UBE2F: variants seen among roughly 807,000 people sequenced by gnomAD.
The protein encoded by UBE2F is ubiquitin conjugating enzyme E2 F (putative).
A neutral mutation model predicts 29.6 loss-of-function variants in UBE2F; 5 were observed. The observed-to-expected ratio is 0.17, with a 90% CI of 0.09 to 0.36. The LOEUF (loss-of-function observed/expected upper bound fraction) is 0.36. UBE2F is among the 10% of genes least tolerant of loss of function. UBE2F has a pLI of 1.00. For missense variants in UBE2F, 141 were observed against 228.5 expected (o/e 0.62, Z 2.47); for synonymous variants, 66 against 81.8 (o/e 0.81, Z 1.04).
chr2:238,002,305 C>G (rs537612859), intron 4 of UBE2F, among the ~76,000 whole-genome samples: 2 of 152,152 alleles, frequency 1.3e-5, no homozygotes, highest in Non-Finnish European at 2.9e-5. Context: ...TTTTAGGGTA[C>G]ATGTGCACAT....
chr2:238,010,197 A>G (rs1338723763), intron 4 of UBE2F, among the ~76,000 whole-genome samples: 2 of 151,696 alleles, frequency 1.3e-5, no homozygotes, highest in Non-Finnish European at 2.9e-5. Flanking sequence ...TTTTCGATAC[A>G]GAGTCTTGCT....
chr2:237,974,501 GTTTTTTTTTTTTTGTTTTT>G (rs1209859740), intron 2 of UBE2F, among the ~76,000 whole-genome samples: 1 of 108,582 alleles, frequency 9.2e-6, no homozygotes, highest in Non-Finnish European at 1.7e-5. Flanking sequence ...AATTTTTGTG[GTTTTTTTTTTTTTGTTTTT>G]TTTTTTTTTT....
chr2:237,973,788 G>A (rs1559198463), intron 2 of UBE2F: 3 of 932,650 alleles, frequency 3.2e-6, no homozygotes, highest in East Asian at 6.8e-5. Flanking sequence ...TTGGTAAAAT[G>A]TATGAGAGTA....
rs2064597574 is a variant in UBE2F, at chr2:238,032,203, GTTTTC to G, written c.412-14_412-10del. 1 of 1,610,944 alleles carries G rather than the reference GTTTTC, an allele frequency of 6.2e-7. No homozygotes were observed. Among genetic ancestry groups the G allele is most frequent in the Non-Finnish European group, 8.5e-7 (1 of 1,177,478 alleles). On this transcript the variant is annotated splice_polypyrimidine_tract_variant and intron_variant, in intron 7 of 9. Coordinates refer to ENST00000272930, the MANE Select transcript of UBE2F (RefSeq NM_080678.3). ...CACTTTGGCTTAAAACTTGTTTTCT[GTTTTC>G]TTTTTTATTTCAGGATGTCGTTTGG...
At chr2:238,019,654 CTTTT>C (rs375103007) in intron 5 of UBE2F, among the ~76,000 whole-genome samples, 1 of 78,008 alleles carries the variant, frequency 1.3e-5, no homozygotes. Flanking sequence ...TGTGCTCAGC[CTTTT>C]TTTTTTTTTT....
Position 237,973,270 on chromosome 2 carries a change from G to C in UBE2F, c.118+45G>C, listed in dbSNP as rs75698418. The C allele has an allele frequency of 4.0e-4, 634 of 1,588,802 alleles. 1 individual carries two copies. In the African/African-American group the frequency reaches 7.6e-3, roughly 19 times the overall value. On this transcript the variant is annotated intron_variant, in intron 2 of 9. Coordinates refer to ENST00000272930, the MANE Select transcript of UBE2F (RefSeq NM_080678.3). ...ACTGTTTTTATATCCTATAACAAAAGGAAGTTTGACTGGAGAGTCTTTGGG... is the reference window on the plus strand; with the variant it reads ...ACTGTTTTTATATCCTATAACAAAACGAAGTTTGACTGGAGAGTCTTTGGG...
chr2:237,997,961 G>C (rs767703814), intron 4 of UBE2F, among the ~76,000 whole-genome samples: 2 of 152,194 alleles, frequency 1.3e-5, no homozygotes, highest in African/African-American at 2.4e-5. Flanking sequence ...ATCCCGTGGA[G>C]GCTTCTGTGA....
intron 2 of UBE2F, among the ~76,000 whole-genome samples, chr2:237,981,882 C>T (rs1424692035): frequency 6.6e-6 from 1 of 152,012 alleles, no homozygotes; most frequent in Non-Finnish European, 1.5e-5. Context: ...CCTTCTCAGC[C>T]TCCCAAAGTG....
intron 2 of UBE2F, among the ~76,000 whole-genome samples, chr2:237,978,620 G>C (rs1245110386): frequency 3.3e-5 from 5 of 152,228 alleles, no homozygotes; most frequent in Non-Finnish European, 5.9e-5. Context: ...CCTCAGTCCA[G>C]TTCTGAGGGC....
Position 238,040,974 on chromosome 2 carries a change from C to G in UBE2F, c.508-314C>G, listed in dbSNP as rs960959188. ...CAAAGGAGTCTTGGCTTTGTGACCT[C>G]GACCACACTTTTCTGGGCTCCACTT... On this transcript the variant is annotated intron_variant, in intron 9 of 9. Coordinates refer to ENST00000272930, the MANE Select transcript of UBE2F (RefSeq NM_080678.3). The surrounding 1 kb of genome is among the most constrained non-coding windows in gnomAD (Gnocchi z 4.4). Among the ~76,000 whole-genome samples, 3 of 152,158 alleles carry G rather than the reference C, an allele frequency of 2.0e-5. No individual in the cohort carries two copies. The highest frequency in any genetic ancestry group is 4.4e-5 in the Non-Finnish European group (3 of 68,020).
rs2063408007 is a variant in UBE2F, at chr2:237,982,995, A to T, written c.119-4968A>T. ...TCATTATATTTTGTTAAGTAAATAT[A>T]TGTATATATTTTATGTTTTTGTAGT... On this transcript the variant is annotated intron_variant, in intron 2 of 9. Coordinates refer to ENST00000272930, the MANE Select transcript of UBE2F (RefSeq NM_080678.3). This position sits in a 1 kb window ranked among gnomAD's most constrained non-coding sequence, Gnocchi z 4.1. Among the ~76,000 whole-genome samples, 1 of 152,142 alleles carries T rather than the reference A, an allele frequency of 6.6e-6. No homozygotes were observed. Among genetic ancestry groups the T allele is most frequent in the Admixed American group, 6.6e-5 (1 of 15,266 alleles).
intron 6 of UBE2F, among the ~76,000 whole-genome samples, chr2:238,029,831 T>A (rs1436461854): frequency 1.3e-5 from 2 of 152,226 alleles, no homozygotes; most frequent in Non-Finnish European, 2.9e-5. Context: ...AGGCATTAAG[T>A]GAATTTAATG....
chr2:238,012,996 C>A (rs1297611083), intron 4 of UBE2F, among the ~76,000 whole-genome samples: 5 of 152,158 alleles, frequency 3.3e-5, no homozygotes, highest in Non-Finnish European at 7.3e-5. Context: ...TGGGTATAGG[C>A]CAGGTGTGGT....
intron 2 of UBE2F, among the ~76,000 whole-genome samples, chr2:237,981,614 CTTTTTTTTTTTTTTTTTTT>C (rs139270010): frequency 4.8e-5 from 3 of 62,370 alleles, no homozygotes; most frequent in Admixed American, 2.8e-4. Flanking sequence ...AATTTGAATT[CTTTTTTTTTTTTTTTTTTT>C]TTTTTTTTTT....
intron 2 of UBE2F, among the ~76,000 whole-genome samples, chr2:237,978,957 C>T (rs551386152): frequency 6.6e-6 from 1 of 152,178 alleles, no homozygotes; most frequent in Non-Finnish European, 1.5e-5. Flanking sequence ...GGCACTGTTT[C>T]CATCTAATAG....
chr2:238,022,193 A>C (rs1318174226), intron 5 of UBE2F, among the ~76,000 whole-genome samples: 1 of 118,862 alleles, frequency 8.4e-6, no homozygotes, highest in East Asian at 2.1e-4. Flanking sequence ...TTTTGGAGAC[A>C]GAGTCTTGCT....
intron 6 of UBE2F, among the ~76,000 whole-genome samples, chr2:238,029,545 G>A (rs1004050040): frequency 1.5e-4 from 23 of 150,288 alleles, no homozygotes; most frequent in Non-Finnish European, 2.8e-4. Flanking sequence ...ACAGTGAGCC[G>A]AGATCGTGCC....
At chr2:238,012,183 G>A (rs1005044838) in intron 4 of UBE2F, among the ~76,000 whole-genome samples, 5 of 151,676 alleles carry the variant, frequency 3.3e-5, no homozygotes, top group African/African-American at 7.3e-5. Context: ...CTTGCCTGTC[G>A]TCATATAAAG....
chr2:237,971,730 T>G (rs1391918784), intron 1 of UBE2F, among the ~76,000 whole-genome samples: 1 of 94,246 alleles, frequency 1.1e-5, no homozygotes, highest in East Asian at 3.9e-4. Flanking sequence ...AGGCAGAGTC[T>G]AGCGGATAGT....
Sources: gnomAD v4.1 joint callset for allele counts (sites outside exome capture counted in the v4.1 genomes callset) on GRCh38, gnomAD v4.1.1 for gene constraint, Gnocchi (gnomAD v3.1) non-coding constraint, MANE v1.5 for transcripts, NCBI Gene and HGNC (gene_info 2026-07-23, HGNC 2026-07-21) for gene names.